Variants in MTX1 observed in about 807,000 individuals in gnomAD.
The protein encoded by MTX1 is metaxin-1.
Under a neutral mutation model 39.4 loss-of-function variants are expected in MTX1, and 20 were observed. The observed-to-expected ratio is 0.51, with a 90% confidence interval of 0.36 to 0.74. The LOEUF is 0.74. MTX1 is among the 30% of genes least tolerant of loss of function. MTX1 has a pLI of 0.00. For synonymous variants in MTX1, 209 were observed against 198.6 expected, an observed-to-expected ratio of 1.05 and a Z score of -0.44; for missense variants, 481 against 485.9, an observed-to-expected ratio of 0.99 and a Z score of 0.10.
chr1:155,213,456 T>C, intron 7 of MTX1, 28 bp from the exon 8 acceptor site: 1 of 214,852 alleles, frequency 4.7e-6, no homozygotes, highest in Non-Finnish European at 8.0e-6. Flanking sequence ...CTAGTTCTCC[T>C]AACACACCTT....
Position 155,209,302 on chromosome 1 carries a change from G to A in MTX1, c.498G>A (p.Pro166=). ...LFCWSGGWGL[P]SVDLDSLAVL... is the part of the protein sequence containing the mutation. ...GCTGGTCAGGGGGCTGGGGGCTGCC[G>A]TCAGTGGACCTGGACAGCCTGGCCG... Residue 166 remains proline, a synonymous_variant, in exon 1 of 8, where the codon CCG becomes CCA. Transcript: ENST00000368376. The A allele has an allele frequency of 6.9e-7, 1 of 1,439,226 alleles. No homozygotes were observed. The highest frequency in any genetic ancestry group is 2.5e-5 in the East Asian group (1 of 39,802). The allele number at this position is 1,439,226 out of a possible 1,614,324, so 89.2% of individuals were successfully genotyped here. A position where few individuals can be genotyped will look rare whatever the true frequency, so the allele number is the denominator to read the frequency against.
rs941542276 is a variant in MTX1, at chr1:155,209,409, T to C, written c.528+77T>C. On this transcript the variant is annotated intron_variant, in intron 1 of 7. Coordinates refer to ENST00000368376, the MANE Select transcript of MTX1 (RefSeq NM_002455.5). Reference sequence around the variant, plus strand: ...GCCGAACTAGCCAAGCATCCAAACCTTGCCAGGGCTACTCAGCACGGGCGC... The same window carrying C: ...GCCGAACTAGCCAAGCATCCAAACCCTGCCAGGGCTACTCAGCACGGGCGC... 246 of 1,326,786 alleles carry C rather than the reference T, an allele frequency of 1.9e-4. 1 individual carries two copies. The highest frequency in any genetic ancestry group is 5.8e-4 in the East Asian group (20 of 34,698). The allele number at this position is 1,326,786 out of a possible 1,614,324, so 82.2% of individuals were successfully genotyped here. A position where few individuals can be genotyped will look rare whatever the true frequency, so the allele number is the denominator to read the frequency against.
At chr1:155,213,018 C>T (rs1160924108) in intron 6 of MTX1, among the ~76,000 whole-genome samples, 2 of 151,892 alleles carry the variant, frequency 1.3e-5, no homozygotes, top group Non-Finnish European at 2.9e-5. Context: ...CTGAATGTGC[C>T]CTTTATGCAG....
In MTX1 at chr1:155,210,984, G is replaced by C. The variant is rs552115328; in HGVS notation, c.678+357G>C. 1.2e-3 allele frequency: 388 copies of C among 328,646 alleles called. 1 individual carries two copies. The highest frequency in any genetic ancestry group is 7.5e-3 in the African/African-American group (349 of 46,664). The allele number at this position is 328,646 out of a possible 1,614,324, so 20.4% of individuals were successfully genotyped here. ...TGGGGCTCAGGATGGACAAGGCTTA[G>C]AGCCAGGTTGGAGAAGATGAAAGAG... is the stretch of plus-strand genomic sequence containing the variant. On this transcript the variant is annotated intron_variant, in intron 3 of 7. Transcript: ENST00000368376.
Position 155,209,071 on chromosome 1 carries a change from G to T in MTX1, c.267G>T (p.Glu89Asp). 6.5e-7 allele frequency: 1 copy of T among 1,538,636 alleles called. No homozygotes were observed. The highest frequency in any genetic ancestry group is 8.8e-7 in the Non-Finnish European group (1 of 1,141,442). Residue 89 changes from glutamate to aspartate, a missense_variant, in exon 1 of 8, where the codon GAG (glutamate) becomes GAT (aspartate). By Grantham distance (45) the Glu-to-Asp change is conservative. Transcript: ENST00000368376. ...TGGGCCGGCGGCCGCCCTCCCCCGA[G>T]GCCCGCGGCCCAGTCCCCCGCAGTT... ...LWMGRRPPSP[E>D]ARGPVPRSSA...
At chr1:155,209,753 G>A (rs912119608) in intron 1 of MTX1, among the ~76,000 whole-genome samples, 1 of 152,046 alleles carries the variant, frequency 6.6e-6, no homozygotes, top group African/African-American at 2.4e-5. Context: ...TGAGGCTATT[G>A]TTTGTTAGAC....
chr1:155,209,059 G>T lies in MTX1; in HGVS notation c.255G>T (p.Pro85=). The T allele has an allele frequency of 6.5e-7, 1 of 1,538,048 alleles. No homozygotes were observed. The highest frequency in any genetic ancestry group is 8.8e-7 in the Non-Finnish European group (1 of 1,141,598). The change falls in exon 1 of 8, where the codon CCG becomes CCT. Residue 85 remains proline, a synonymous_variant. Coordinates refer to ENST00000368376, the MANE Select transcript of MTX1 (RefSeq NM_002455.5). ...GCCACCTCTGGATGGGCCGGCGGCC[G>T]CCCTCCCCCGAGGCCCGCGGCCCAG... is the stretch of plus-strand genomic sequence containing the variant. ...YVGHLWMGRR[P]PSPEARGPVP...
rs775917635 is a variant in MTX1, at chr1:155,210,615, C to T, written c.666C>T (p.His222=). 76 of 1,613,850 alleles carry T rather than the reference C, an allele frequency of 4.7e-5. No individual in the cohort carries two copies. The highest frequency in any genetic ancestry group is 6.3e-5 in the Non-Finnish European group (74 of 1,180,008). ...CAGTTCCACACAAGATCATCACCCACCTTCGAAAAGAGGTAGGTGACTTGG... is the reference window on the plus strand; with the variant it reads ...CAGTTCCACACAAGATCATCACCCATCTTCGAAAAGAGGTAGGTGACTTGG... The part of the protein sequence containing the change: ...VISVPHKIIT[H]LRKEKYNADY... The change falls in exon 3 of 8, where the codon CAC becomes CAT. Residue 222 remains histidine, a synonymous_variant. Transcript: ENST00000368376.
rs1293359305 is a variant in MTX1 at position 155,208,993 on chromosome 1, T to C, written c.189T>C (p.Ser63=). ...RGSTWTRRRD[S]PRRAGPTALS... The stretch of plus-strand genomic sequence containing the variant: ...CCACTTGGACGAGGCGCCGTGACTC[T>C]CCGAGGCGCGCCGGGCCGACAGCGC... Residue 63 remains serine, a synonymous_variant, in exon 1 of 8, where the codon TCT becomes TCC. Coordinates refer to ENST00000368376, the MANE Select transcript of MTX1 (RefSeq NM_002455.5). 6.3e-7 allele frequency: 1 copy of C among 1,599,164 alleles called. No homozygotes were observed. Among genetic ancestry groups the C allele is most frequent in the Non-Finnish European group, 8.5e-7 (1 of 1,174,454 alleles).
Position 155,208,713 on chromosome 1 carries a change from C to G in MTX1, c.-92C>G. 6.0e-4 allele frequency: 420 copies of G among 700,610 alleles called. No individual in the cohort carries two copies. The highest frequency in any genetic ancestry group is 7.4e-4 in the Non-Finnish European group (347 of 470,630). 43.4% of individuals were successfully genotyped at this position (700,610 alleles called of 1,614,324 possible). A position where few individuals can be genotyped will look rare whatever the true frequency, so the allele number is the denominator to read the frequency against. ...CTCCCCCACCCAAGCCCCAGCCCGG[C>G]CTCCGCTCCGGCCGCCGCCACCGCC... On this transcript the variant is annotated 5_prime_UTR_variant, in exon 1 of 8. Transcript: ENST00000368376.
At chr1:155,210,204 G>A (rs762130792) in intron 1 of MTX1, 142 bp from the exon 2 acceptor site, 142 of 713,262 alleles carry the variant, frequency 2.0e-4, no homozygotes, top group Middle Eastern at 1.9e-3. Context: ...AGAAATGGTA[G>A]TGACTCCCCC....
intron 3 of MTX1, chr1:155,211,879 C>G: frequency 2.8e-6 from 1 of 353,416 alleles, no homozygotes; most frequent in Non-Finnish European, 5.1e-6. Context: ...TGCGGCGGAG[C>G]CTTCCTTCCT....
chr1:155,212,967 G>T (rs1475317385), intron 6 of MTX1, among the ~76,000 whole-genome samples, 197 bp downstream of exon 6: 1 of 152,000 alleles, frequency 6.6e-6, no homozygotes, highest in Non-Finnish European at 1.5e-5. Context: ...TAGGGTGGGA[G>T]GGCAGCCAGG....
rs1480624120 is a variant in MTX1 at position 155,213,637 on chromosome 1, C to T, written c.1340C>T (p.Thr447Met). ...GGCATTGTCTCCATCCAGCGGGCAA[C>T]GCCTGCTCGGGCCCCAGGCACCCGG... Reference protein sequence around the residue: ...LSGIVSIQRATPARAPGTRTL... With the variant: ...LSGIVSIQRAMPARAPGTRTL... The change falls in exon 8 of 8, where the codon ACG becomes ATG. Residue 447 changes from threonine (T) to methionine (M), a missense_variant. Thr to Met is a moderately conservative substitution (Grantham distance 81). Around this residue, in one of 2 missense-constraint regions of MTX1, gnomAD observed 113 missense variants for 153.2 expected, o/e 0.74. Coordinates refer to ENST00000368376, the MANE Select transcript of MTX1 (RefSeq NM_002455.5). 6.9e-5 allele frequency: 4 copies of T among 57,734 alleles called. No individual in the cohort carries two copies. The highest frequency in any genetic ancestry group is 4.1e-4 in the African/African-American group (1 of 2,416). The allele number at this position is 57,734 out of a possible 1,614,324, so 3.6% of individuals were successfully genotyped here.
rs1195171221 is a variant in MTX1 at position 155,209,091 on chromosome 1, G to A, written c.287G>A (p.Arg96His). The A allele has an allele frequency of 4.5e-6, 7 of 1,542,284 alleles. No homozygotes were observed. The African/African-American group carries it at 6.9e-5, about 15-fold the overall frequency. Reference sequence around the variant, plus strand: ...CCCGAGGCCCGCGGCCCAGTCCCCCGCAGTTCAGCTGCCAGTCGGGCCAGA... The same window carrying A: ...CCCGAGGCCCGCGGCCCAGTCCCCCACAGTTCAGCTGCCAGTCGGGCCAGA... ...PSPEARGPVPRSSAASRARRS... is the reference protein window; with the variant it reads ...PSPEARGPVPHSSAASRARRS... The change falls in exon 1 of 8, where the codon CGC becomes CAC. Residue 96 changes from arginine (R) to histidine (H), a missense_variant. Coordinates refer to ENST00000368376, the MANE Select transcript of MTX1 (RefSeq NM_002455.5).
Position 155,209,276 on chromosome 1 carries a change from T to C in MTX1, c.472T>C (p.Cys158Arg). ...GATGGCGGCGCCCATGGAGCTGTTCTGCTGGTCAGGGGGCTGGGGGCTGCC... is the reference window on the plus strand; with the variant it reads ...GATGGCGGCGCCCATGGAGCTGTTCCGCTGGTCAGGGGGCTGGGGGCTGCC... Reference protein sequence around the residue: ...GKMAAPMELFCWSGGWGLPSV... With the variant: ...GKMAAPMELFRWSGGWGLPSV... The change falls in exon 1 of 8, where the codon TGC becomes CGC. Residue 158 changes from cysteine (C) to arginine (R), a missense_variant. Physicochemically the swap from Cys to Arg is radical, Grantham distance 180. This residue lies in a region of MTX1 where 368 missense variants were observed against 332.8 expected (regional missense o/e 1.11). Transcript: ENST00000368376. 2 of 1,449,422 alleles carry C rather than the reference T, an allele frequency of 1.4e-6. No homozygotes were observed. The highest frequency in any genetic ancestry group is 1.8e-6 in the Non-Finnish European group (2 of 1,099,314). 89.8% of individuals were successfully genotyped at this position (1,449,422 alleles called of 1,614,324 possible).
Position 155,209,428 on chromosome 1 carries a change from C to T in MTX1, c.528+96C>T, listed in dbSNP as rs1039004421. On this transcript the variant is annotated intron_variant, in intron 1 of 7. Transcript: ENST00000368376. ...CAAACCTTGCCAGGGCTACTCAGCACGGGCGCAGTGGGGGAAACTGAGGCA... is the reference window on the plus strand; with the variant it reads ...CAAACCTTGCCAGGGCTACTCAGCATGGGCGCAGTGGGGGAAACTGAGGCA... The T allele has an allele frequency of 7.0e-6, 9 of 1,281,548 alleles. No individual in the cohort carries two copies. The African/African-American group carries it at 7.8e-5, about 11-fold the overall frequency. 79.4% of individuals were successfully genotyped at this position (1,281,548 alleles called of 1,614,324 possible). A position where few individuals can be genotyped will look rare whatever the true frequency, so the allele number is the denominator to read the frequency against.
intron 1 of MTX1, among the ~76,000 whole-genome samples, chr1:155,209,738 T>C (rs1671028482): frequency 6.6e-6 from 1 of 152,194 alleles, no homozygotes; most frequent in Non-Finnish European, 1.5e-5. Context: ...CTTAACAGCA[T>C]TTACTGAGGC....
chr1:155,209,573 C>T (rs1243403176), intron 1 of MTX1, among the ~76,000 whole-genome samples: 1 of 152,230 alleles, frequency 6.6e-6, no homozygotes, highest in Non-Finnish European at 1.5e-5. Flanking sequence ...AGTCCTTGCT[C>T]ATCCATTCAC....
Sources: gnomAD v4.1 joint callset for allele counts (sites outside exome capture counted in the v4.1 genomes callset) on GRCh38, gnomAD v4.1.1 for gene constraint, gnomAD v4.1.1 regional missense constraint, MANE v1.5 for transcripts, NCBI Gene and HGNC (gene_info 2026-07-23, HGNC 2026-07-21) for gene names.